The following OS9 variants were observed in gnomAD, a reference collection of about 807,000 sequenced individuals.
OS9 encodes the protein protein OS-9.
A neutral mutation model predicts 84.7 loss-of-function variants in OS9; 58 were observed. That is an observed-to-expected ratio of 0.68 (90% confidence interval 0.55 to 0.85). OS9 has a LOEUF of 0.85. Ranked by LOEUF, OS9 falls within the 40% of genes least tolerant of loss-of-function variation. The probability of loss-of-function intolerance (pLI) is 0.00; values close to 1 mark genes in which losing one functional copy is unlikely to be tolerated. For missense variants in OS9, 760 were observed against 850.9 expected (o/e 0.89, Z 1.33); for synonymous variants, 278 against 320.8 (o/e 0.87, Z 1.43).
In OS9 at chr12:57,721,161, C is replaced by T. The variant is rs1954670558; in HGVS notation, c.*252C>T. 2.3e-6 allele frequency: 1 copy of T among 441,866 alleles called. No individual in the cohort carries two copies. Among genetic ancestry groups the T allele is most frequent in the East Asian group, 4.8e-5 (1 of 20,960 alleles). 27.4% of individuals were successfully genotyped at this position (441,866 alleles called of 1,614,324 possible). ...ACTCTCACTCAATCCTCTTCCTCTC[C>T]TCTGTGGCTTTTCCTGTTATTGTCC... On this transcript the variant is annotated 3_prime_UTR_variant, in exon 15 of 15. Transcript: ENST00000315970.
rs1194520570 is a variant in OS9, at chr12:57,721,242, G to A, written c.*333G>A. The A allele has an allele frequency of 7.1e-6, 2 of 281,760 alleles. No individual in the cohort carries two copies. Among genetic ancestry groups the A allele is most frequent in the Non-Finnish European group, 1.4e-5 (2 of 144,790 alleles). 17.5% of individuals were successfully genotyped at this position (281,760 alleles called of 1,614,324 possible). On this transcript the variant is annotated 3_prime_UTR_variant, in exon 15 of 15. Coordinates refer to ENST00000315970, the MANE Select transcript of OS9 (RefSeq NM_006812.4). ...CTGGAGATTCAGTAGGATCTTTTGA[G>A]TGGAGGTGGGTAGAGAGAGCAAGGA...
chr12:57,695,887 A>G, intron 3 of OS9, 44 bp downstream of exon 3: 2 of 1,574,436 alleles, frequency 1.3e-6, no homozygotes, highest in South Asian at 2.2e-5. Context: ...GTGTCATATC[A>G]TGGAAGTTCC....
chr12:57,719,973 C>G (rs1018450200), intron 12 of OS9, 126 bp from the exon 13 acceptor site: 1 of 858,878 alleles, frequency 1.2e-6, no homozygotes, highest in South Asian at 1.6e-5. Context: ...AGCCCTGGCT[C>G]ATATACATGT....
At position 57,694,730 on chromosome 12, in the gene OS9, G is replaced by A; in HGVS notation, c.163-20G>A. 6.2e-7 allele frequency: 1 copy of A among 1,612,634 alleles called. No homozygotes were observed. The highest frequency in any genetic ancestry group is 8.5e-7 in the Non-Finnish European group (1 of 1,179,626). Reference sequence around the variant, plus strand: ...GCCTTTCTTTGCTTCCTTGCCCCCCGACCCTCCCTTCTTTCCCAGAGCCAA... The same window carrying A: ...GCCTTTCTTTGCTTCCTTGCCCCCCAACCCTCCCTTCTTTCCCAGAGCCAA... On this transcript the variant is annotated intron_variant, in intron 1 of 14. Transcript: ENST00000315970.
At position 57,718,283 on chromosome 12, in the gene OS9, T is replaced by G. The variant is rs775921074; in HGVS notation, c.1272T>G (p.Asp424Glu). Reference sequence around the variant, plus strand: ...AGGAGGATGAGGATGAGGATGAGGATGAAGATGAGGATGAACGGCAGTTAC... The same window carrying G: ...AGGAGGATGAGGATGAGGATGAGGAGGAAGATGAGGATGAACGGCAGTTAC... ...EEEEDEDEDE[D>E]EDEDERQLLG... The change falls in exon 11 of 15, where the codon GAT becomes GAG. Residue 424 changes from aspartate to glutamate, a missense_variant. Transcript: ENST00000315970. The G allele has an allele frequency of 6.2e-7, 1 of 1,612,486 alleles. No homozygotes were observed. The highest frequency in any genetic ancestry group is 1.7e-5 in the Admixed American group (1 of 59,990).
At chr12:57,704,487 A>G (rs1183230375) in intron 5 of OS9, among the ~76,000 whole-genome samples, 1 of 152,122 alleles carries the variant, frequency 6.6e-6, no homozygotes, top group East Asian at 1.9e-4. Context: ...CAGCAAACCA[A>G]GATTGCACCA....
At position 57,711,338 on chromosome 12, in the gene OS9, C is replaced by CT. The variant is rs34817746; in HGVS notation, c.580-4396dup. 8.6e-3 allele frequency among the ~76,000 whole-genome samples: 549 copies of CT among 63,540 alleles called. 41 individuals carry two copies. Among genetic ancestry groups the CT allele is most frequent in the South Asian group, 0.051 (66 of 1,290 alleles). The allele number at this position is 63,540 out of a possible 152,430, so 41.7% of individuals were successfully genotyped here. ...GAGAGATCTTTCAATGGCAGTATAT[C>CT]TTTTTTTTTTTTTTTTTTTTTTTTT... On this transcript the variant is annotated intron_variant, in intron 5 of 14. Coordinates refer to ENST00000315970, the MANE Select transcript of OS9 (RefSeq NM_006812.4).
At chr12:57,706,104 G>A (rs1053067376) in intron 5 of OS9, among the ~76,000 whole-genome samples, 2 of 152,174 alleles carry the variant, frequency 1.3e-5, no homozygotes, top group Admixed American at 1.3e-4. Context: ...GGATGCTCCT[G>A]AAGTTTCACT....
At chr12:57,695,407 G>T (rs1953795747) in intron 2 of OS9, 3 of 441,038 alleles carry the variant, frequency 6.8e-6, no homozygotes, top group South Asian at 5.8e-5. Context: ...CCAGAACAGT[G>T]CCAGGAATGT....
chr12:57,700,115 A>G (rs1953977426), intron 5 of OS9, among the ~76,000 whole-genome samples: 1 of 152,020 alleles, frequency 6.6e-6, no homozygotes, highest in African/African-American at 2.4e-5. Flanking sequence ...AAAGAAAAGA[A>G]AAAAAGAAAA....
chr12:57,714,276 G>A (rs1051447955), intron 5 of OS9, among the ~76,000 whole-genome samples: 1 of 152,018 alleles, frequency 6.6e-6, no homozygotes, highest in Non-Finnish European at 1.5e-5. Flanking sequence ...GTGCGATCTC[G>A]GCTCACCGCA....
At chr12:57,714,772 A>G (rs1278989959) in intron 5 of OS9, among the ~76,000 whole-genome samples, 1 of 151,720 alleles carries the variant, frequency 6.6e-6, no homozygotes, top group African/African-American at 2.4e-5. Context: ...ATTTTTAAAA[A>G]TTTTTTGTGG....
In OS9 at chr12:57,716,209, AC is replaced by A; in HGVS notation, c.892+18del. 6.7e-7 allele frequency: 1 copy of A among 1,490,494 alleles called. No individual in the cohort carries two copies. The highest frequency in any genetic ancestry group is 9.1e-7 in the Non-Finnish European group (1 of 1,094,608). 92.3% of individuals were successfully genotyped at this position (1,490,494 alleles called of 1,614,324 possible). On this transcript the variant is annotated intron_variant, in intron 7 of 14. Coordinates refer to ENST00000315970, the MANE Select transcript of OS9 (RefSeq NM_006812.4). ...AAGATGGCAGGTAGGACCTTGTTTC[AC>A]CTGTTCCGTGAAACTCACTTCCATT...
At position 57,697,924 on chromosome 12, in the gene OS9, TACACACACAC is replaced by T. The variant is rs61407014; in HGVS notation, c.579+1584_579+1593del. The stretch of plus-strand genomic sequence containing the variant: ...ACATAAGCAAACACACACACACACA[TACACACACAC>T]ACACACACACACACACACACACACA... On this transcript the variant is annotated intron_variant, in intron 5 of 14. Transcript: ENST00000315970. 7.0e-4 allele frequency among the ~76,000 whole-genome samples: 64 copies of T among 91,604 alleles called. No individual in the cohort carries two copies. In the East Asian group the frequency reaches 0.014, roughly 20 times the overall value. 60.1% of individuals were successfully genotyped at this position (91,604 alleles called of 152,430 possible).
intron 1 of OS9, 184 bp from the exon 2 acceptor site, chr12:57,694,565 GA>G (rs2140282399): frequency 1.4e-6 from 1 of 711,002 alleles, no homozygotes; most frequent in East Asian, 2.7e-5. Context: ...GAAACACCCG[GA>G]CTCCGCCCCC....
intron 10 of OS9, 48 bp downstream of exon 10, chr12:57,718,006 A>G: frequency 6.4e-7 from 1 of 1,557,466 alleles, no homozygotes. Flanking sequence ...CCCAACTGCG[A>G]GCATTTGAAA....
chr12:57,697,940 C>CCTA (rs1953912325), intron 5 of OS9, among the ~76,000 whole-genome samples: 1 of 150,462 alleles, frequency 6.6e-6, no homozygotes, highest in African/African-American at 2.4e-5. Flanking sequence ...CACACACACA[C>CCTA]ACACACACAC....
intron 2 of OS9, chr12:57,695,519 A>G (rs1953799493): frequency 4.5e-6 from 3 of 669,788 alleles, no homozygotes; most frequent in Non-Finnish European, 8.2e-6. Flanking sequence ...AGGGCAAATA[A>G]GGATTTAAAA....
chr12:57,701,097 CA>C (rs1954009236), intron 5 of OS9, among the ~76,000 whole-genome samples: 1 of 152,060 alleles, frequency 6.6e-6, no homozygotes, highest in Non-Finnish European at 1.5e-5. Flanking sequence ...GAAACAACCA[CA>C]ACCCTCACTA....
Sources: allele counts gnomAD v4.1 joint callset (sites outside exome capture counted in the v4.1 genomes callset), GRCh38; gene constraint gnomAD v4.1.1; transcripts MANE v1.5; gene names NCBI Gene and HGNC (gene_info 2026-07-23, HGNC 2026-07-21).